FBXL2: variants seen among roughly 807,000 people sequenced by gnomAD.
FBXL2 encodes the protein F-box/LRR-repeat protein 2.
FBXL2 carries 38 observed loss-of-function variants against 69.2 expected under a neutral mutation model. That is an observed-to-expected ratio of 0.55 (90% CI 0.42 to 0.72). The LOEUF is 0.72. Ranked by LOEUF, FBXL2 falls within the 30% of genes least tolerant of loss-of-function variation. FBXL2 has a pLI of 0.00. For missense variants in FBXL2, 354 were observed against 520.3 expected (o/e 0.68, Z 3.11); for synonymous variants, 192 against 201.3 (o/e 0.95, Z 0.39).
chr3:33,398,410 G>C lies in FBXL2; in HGVS notation n.1215-4824G>C, dbSNP rs1308777295. ...AGGCTCTCTTTCATCTCTCTACTAG[G>C]GCTTACTACATGCACCTCACAGTTG... On this transcript the variant is annotated intron_variant and non_coding_transcript_variant, in intron 12 of 12. Transcript: ENST00000463736. 3 of 152,266 alleles carry C rather than the reference G, an allele frequency of 2.0e-5. No individual in the cohort carries two copies. The East Asian group carries it at 5.8e-4, about 29-fold the overall frequency. 9.4% of individuals were successfully genotyped at this position (152,266 alleles called of 1,614,324 possible). A position where few individuals can be genotyped will look rare whatever the true frequency, so the allele number is the denominator to read the frequency against.
intron 2 of FBXL2, among the ~76,000 whole-genome samples, chr3:33,306,316 A>G (rs2036712949): frequency 6.6e-6 from 1 of 152,134 alleles, no homozygotes; most frequent in African/African-American, 2.4e-5. Flanking sequence ...CAAATATATG[A>G]AACAAATATC....
At chr3:33,291,034 AT>A (rs1196989804) in intron 1 of FBXL2, among the ~76,000 whole-genome samples, 1 of 152,020 alleles carries the variant, frequency 6.6e-6, no homozygotes, top group Non-Finnish European at 1.5e-5. Flanking sequence ...GGCTCAAGGA[AT>A]TCTCCCACCT....
At chr3:33,366,881 C>G (rs1403130826) in intron 5 of FBXL2, among the ~76,000 whole-genome samples, 1 of 152,014 alleles carries the variant, frequency 6.6e-6, no homozygotes, top group Non-Finnish European at 1.5e-5. Context: ...GGAGAATGGC[C>G]TGAACTCGGG....
the FBXL2 span, among the ~76,000 whole-genome samples, chr3:33,422,389 T>C: frequency 6.8e-6 from 1 of 147,676 alleles, no homozygotes; most frequent in Non-Finnish European, 1.5e-5. Flanking sequence ...AACAAACAAA[T>C]AAAAGGAAAA....
the FBXL2 span, among the ~76,000 whole-genome samples, chr3:33,411,427 C>G: frequency 6.6e-6 from 1 of 152,002 alleles, no homozygotes; most frequent in Admixed American, 6.6e-5. Flanking sequence ...ATAGGGTGAA[C>G]TTACTAGATT....
At chr3:33,393,998 C>T (rs1038503532) in intron 12 of FBXL2, among the ~76,000 whole-genome samples, 5 of 151,720 alleles carry the variant, frequency 3.3e-5, no homozygotes, top group African/African-American at 7.3e-5. Flanking sequence ...ACAAAAAGAA[C>T]CCTAAAAGAG....
intron 2 of FBXL2, among the ~76,000 whole-genome samples, chr3:33,336,661 C>T (rs938024715): frequency 6.6e-5 from 10 of 152,184 alleles, no homozygotes; most frequent in African/African-American, 2.4e-4. Context: ...AATCCTGGCA[C>T]TTTGGGAGAC....
intron 2 of FBXL2, among the ~76,000 whole-genome samples, chr3:33,352,005 TGA>T (rs1174452894): frequency 2.0e-5 from 3 of 149,750 alleles, no homozygotes; most frequent in Non-Finnish European, 4.4e-5. Context: ...AGCCAAAGAC[TGA>T]GAAGAACCAG....
intron 8 of FBXL2, 37 bp downstream of exon 8, chr3:33,373,741 T>A (rs1387203119): frequency 6.2e-7 from 1 of 1,614,114 alleles, no homozygotes. Context: ...GTGTTATGTG[T>A]CAGGTGTGGG....
the FBXL2 span, among the ~76,000 whole-genome samples, chr3:33,420,652 C>G: frequency 6.6e-6 from 1 of 152,162 alleles, no homozygotes; most frequent in East Asian, 1.9e-4. Context: ...GTACGCCCAG[C>G]TAATTTTTGT....
chr3:33,293,628 A>C (rs2035464752), intron 1 of FBXL2, among the ~76,000 whole-genome samples: 1 of 148,432 alleles, frequency 6.7e-6, no homozygotes, highest in Non-Finnish European at 1.5e-5. Flanking sequence ...GGCCTATTCT[A>C]ATTGCTAGAA....
At chr3:33,403,933 A>G (rs2044339636), downstream of FBXL2, among the ~76,000 whole-genome samples, 1 of 152,134 alleles carries the variant, frequency 6.6e-6, no homozygotes, top group African/African-American at 2.4e-5. Flanking sequence ...CATCACATCT[A>G]ACTATAGCCC....
intron 1 of FBXL2, among the ~76,000 whole-genome samples, chr3:33,293,132 A>G (rs933962376): frequency 1.3e-5 from 2 of 152,240 alleles, no homozygotes; most frequent in African/African-American, 2.4e-5. Flanking sequence ...CTGGGATTAC[A>G]GGTGTGAGCC....
intron 2 of FBXL2, among the ~76,000 whole-genome samples, chr3:33,341,176 G>A (rs1181226599): frequency 6.6e-6 from 1 of 152,064 alleles, no homozygotes; most frequent in African/African-American, 2.4e-5. Flanking sequence ...GTCTTGCTCA[G>A]ACAAAAAAGT....
intron 12 of FBXL2, among the ~76,000 whole-genome samples, chr3:33,394,814 C>CT (rs1298956605): frequency 0.015 from 1,793 of 122,022 alleles, 15 homozygotes; most frequent in South Asian, 0.032. Context: ...CTGCCCTCCA[C>CT]TTGTTTTTTT....
chr3:33,282,156 C>A (rs2034083372), intron 1 of FBXL2, among the ~76,000 whole-genome samples: 1 of 152,132 alleles, frequency 6.6e-6, no homozygotes, highest in Non-Finnish European at 1.5e-5. Flanking sequence ...CCTAGGTTTT[C>A]TTCTAGGGTT....
At chr3:33,356,711 G>A (rs1019724351) in intron 2 of FBXL2, among the ~76,000 whole-genome samples, 2 of 152,070 alleles carry the variant, frequency 1.3e-5, no homozygotes, top group Non-Finnish European at 2.9e-5. Flanking sequence ...GTTGTTTTTG[G>A]GAACTCTTAC....
intron 2 of FBXL2, among the ~76,000 whole-genome samples, chr3:33,315,003 T>C (rs2037548386): frequency 6.6e-6 from 1 of 152,222 alleles, no homozygotes; most frequent in East Asian, 1.9e-4. Flanking sequence ...TAGCTTGCAC[T>C]GCAAACAATT....
chr3:33,292,481 A>G (rs1157801812), intron 1 of FBXL2, among the ~76,000 whole-genome samples: 4 of 152,116 alleles, frequency 2.6e-5, no homozygotes, highest in Non-Finnish European at 5.9e-5. Context: ...CAAAACCACA[A>G]TCATAGTTGA....
Sources: gnomAD v4.1 joint callset for allele counts (sites outside exome capture counted in the v4.1 genomes callset) on GRCh38, gnomAD v4.1.1 for gene constraint, MANE v1.5 for transcripts, NCBI Gene and HGNC (gene_info 2026-07-23, HGNC 2026-07-21) for gene names.